LARP1B: variants seen among roughly 807,000 people sequenced by gnomAD.
LARP1B encodes the protein la-related protein 1B.
A neutral mutation model predicts 114.2 loss-of-function variants in LARP1B; 76 were observed. The ratio of observed to expected loss-of-function variants is 0.67; its 90% confidence interval spans 0.55 to 0.81. The LOEUF (loss-of-function observed/expected upper bound fraction) is 0.81. LARP1B is among the 30% of genes least tolerant of loss of function. The pLI, the probability that LARP1B is intolerant of heterozygous loss-of-function variation, is 0.00. For synonymous variants in LARP1B, 345 were observed against 348.0 expected (o/e 0.99, Z 0.10); for missense variants, 1,014 against 1,075.8 (o/e 0.94, Z 0.80).
chr4:128,098,792 TTTTA>T, intron 8 of LARP1B, among the ~76,000 whole-genome samples: 1 of 106,042 alleles, frequency 9.4e-6, no homozygotes, highest in Non-Finnish European at 1.9e-5. Context: ...TTTTTTTTTT[TTTTA>T]AGACAGTGTC....
At chr4:128,063,541 AG>A (rs1761223793) in intron 1 of LARP1B, among the ~76,000 whole-genome samples, 1 of 148,964 alleles carries the variant, frequency 6.7e-6, no homozygotes. Context: ...GCACTTTGGG[AG>A]GCCGAGGCAG....
In LARP1B at chr4:128,074,975, T is replaced by G. The variant is rs1419543918; in HGVS notation, c.24T>G (p.Ser8Arg). Residue 8 changes from serine (S) to arginine (R), a missense_variant, in exon 3 of 20, where the codon AGT becomes AGG. By Grantham distance (110) the Ser-to-Arg change is moderately radical. Coordinates refer to ENST00000326639, the MANE Select transcript of LARP1B (RefSeq NM_018078.4). Reference sequence around the variant, plus strand: ...ATATGGAGAATTGGCCAACACCAAGTGAATTAGTGAACACTGGAGTGAGTA... The same window carrying G: ...ATATGGAGAATTGGCCAACACCAAGGGAATTAGTGAACACTGGAGTGAGTA... Reference protein sequence around the residue: MENWPTPSELVNTGFQSV... With the variant: MENWPTPRELVNTGFQSV... The G allele has an allele frequency of 6.2e-7, 1 of 1,608,602 alleles. No homozygotes were observed. The highest frequency in any genetic ancestry group is 8.5e-7 in the Non-Finnish European group (1 of 1,175,334).
At chr4:128,177,030 C>T in intron 13 of LARP1B, 123 bp downstream of exon 13, 2 of 857,048 alleles carry the variant, frequency 2.3e-6, no homozygotes, top group Non-Finnish European at 3.9e-6. Flanking sequence ...GAACAAGGAA[C>T]AGGACTGACA....
At chr4:128,077,336 TAA>T (rs1227237462) in intron 3 of LARP1B, among the ~76,000 whole-genome samples, 2 of 142,036 alleles carry the variant, frequency 1.4e-5, no homozygotes, top group Non-Finnish European at 1.5e-5. Flanking sequence ...CCTCTCTACT[TAA>T]AAAAAAAAAA....
chr4:128,209,379 C>A (rs1378817594), intron 19 of LARP1B, among the ~76,000 whole-genome samples: 2 of 152,096 alleles, frequency 1.3e-5, no homozygotes, highest in Non-Finnish European at 2.9e-5. Flanking sequence ...CGATGTGGCA[C>A]CACTGCACAT....
chr4:128,214,347 G>T (rs1036412332), downstream of LARP1B, among the ~76,000 whole-genome samples: 284 of 148,896 alleles, frequency 1.9e-3, no homozygotes, highest in African/African-American at 6.7e-3. Flanking sequence ...ACTTCTGGGG[G>T]CAGGGCACAG....
chr4:128,099,285 TC>T (rs201843064), intron 8 of LARP1B, among the ~76,000 whole-genome samples: 1 of 149,866 alleles, frequency 6.7e-6, no homozygotes, highest in Non-Finnish European at 1.5e-5. Flanking sequence ...TTTCTTTTTT[TC>T]TTTCTTTTTT....
chr4:128,214,527 G>T (rs1759389408), downstream of LARP1B, among the ~76,000 whole-genome samples: 1 of 152,004 alleles, frequency 6.6e-6, no homozygotes, highest in African/African-American at 2.4e-5. Flanking sequence ...TGGGAGGCAG[G>T]GGCACACTGA....
intron 15 of LARP1B, among the ~76,000 whole-genome samples, chr4:128,196,293 G>GAA (rs551037602): frequency 7.2e-6 from 1 of 138,134 alleles, no homozygotes. Flanking sequence ...AAAGAAAAGG[G>GAA]AAAAAAAAAA....
At chr4:128,180,395 T>C (rs572388157) in intron 15 of LARP1B, among the ~76,000 whole-genome samples, 27 of 152,338 alleles carry the variant, frequency 1.8e-4, no homozygotes, top group Non-Finnish European at 3.4e-4. Context: ...TGAAAAGAAA[T>C]GCTAGGGAGT....
At chr4:128,162,109 C>T in intron 11 of LARP1B, 85 bp from the exon 12 acceptor site, 1 of 1,286,612 alleles carries the variant, frequency 7.8e-7, no homozygotes. Context: ...TTTAGAAGTT[C>T]ATTTTTTTGA....
intron 15 of LARP1B, among the ~76,000 whole-genome samples, chr4:128,182,639 C>G (rs1748948035): frequency 6.6e-6 from 1 of 152,132 alleles, no homozygotes; most frequent in Non-Finnish European, 1.5e-5. Context: ...AATAACCCTA[C>G]AGTGGCCCCT....
chr4:128,210,667 T>TA lies in LARP1B; in HGVS notation c.*615dup. On this transcript the variant is annotated 3_prime_UTR_variant, in exon 20 of 20. Transcript: ENST00000326639. ...TAGGAATATATAGTAAGATTGTAGT[T>TA]ACAATGAGTATATGCACTTTTGATG... 1 of 972,404 alleles carries TA rather than the reference T, an allele frequency of 1.0e-6. No homozygotes were observed. Among genetic ancestry groups the TA allele is most frequent in the Non-Finnish European group, 1.2e-6 (1 of 818,010 alleles). 60.2% of individuals were successfully genotyped at this position (972,404 alleles called of 1,614,324 possible). A position where few individuals can be genotyped will look rare whatever the true frequency, so the allele number is the denominator to read the frequency against.
chr4:128,206,387 A>T (rs764510304), intron 17 of LARP1B, 41 bp from the exon 18 acceptor site: 2 of 1,164,204 alleles, frequency 1.7e-6, no homozygotes, highest in Non-Finnish European at 1.2e-6. Context: ...AACTATAGAG[A>T]TATTGTATTT....
At chr4:128,184,158 C>T (rs1749516848) in intron 15 of LARP1B, among the ~76,000 whole-genome samples, 1 of 152,154 alleles carries the variant, frequency 6.6e-6, no homozygotes, top group Non-Finnish European at 1.5e-5. Flanking sequence ...AGGACTGACT[C>T]CAATTTTCAA....
At chr4:128,164,676 G>A (rs1739944183) in intron 12 of LARP1B, among the ~76,000 whole-genome samples, 1 of 152,070 alleles carries the variant, frequency 6.6e-6, no homozygotes, top group Non-Finnish European at 1.5e-5. Context: ...AAGAGATACT[G>A]TTGCAGGCCA....
chr4:128,120,015 T>G (rs756733255), intron 10 of LARP1B, among the ~76,000 whole-genome samples: 4 of 152,222 alleles, frequency 2.6e-5, no homozygotes, highest in Non-Finnish European at 5.9e-5. Flanking sequence ...TGTATATTGT[T>G]TAAAATATAT....
chr4:128,095,660 C>T (rs13106597), intron 7 of LARP1B, among the ~76,000 whole-genome samples: 1 of 152,032 alleles, frequency 6.6e-6, no homozygotes, highest in South Asian at 2.1e-4. Context: ...GATTTATTTT[C>T]TTCCCCTTCA....
chr4:128,117,649 G>C (rs1162370112), intron 10 of LARP1B, among the ~76,000 whole-genome samples: 1 of 152,026 alleles, frequency 6.6e-6, no homozygotes. Context: ...CTCCCAAAGT[G>C]CTGGGATTAC....
Sources: gnomAD v4.1 joint callset for allele counts (sites outside exome capture counted in the v4.1 genomes callset) on GRCh38, gnomAD v4.1.1 for gene constraint, MANE v1.5 for transcripts, NCBI Gene and HGNC (gene_info 2026-07-23, HGNC 2026-07-21) for gene names.